The following GGNBP2 variants were observed in gnomAD, a reference collection of about 807,000 sequenced individuals.
The protein encoded by GGNBP2 is gametogenetin binding protein 2, also known as gametogenetin-binding protein 2.
GGNBP2 carries 10 observed loss-of-function variants against 85.9 expected under a neutral mutation model. The observed-to-expected ratio is 0.12, with a 90% confidence interval of 0.07 to 0.20. The LOEUF (loss-of-function observed/expected upper bound fraction) is 0.20. Ranked by LOEUF, GGNBP2 falls within the 10% of genes least tolerant of loss-of-function variation. The pLI is 1.00. For synonymous variants in GGNBP2, 287 were observed against 285.7 expected (o/e 1.00, Z -0.05); for missense variants, 595 against 857.8 (o/e 0.69, Z 3.83).
intron 6 of GGNBP2, among the ~76,000 whole-genome samples, chr17:36,571,265 A>G (rs2074521494): frequency 6.6e-6 from 1 of 152,072 alleles, no homozygotes; most frequent in Non-Finnish European, 1.5e-5. Context: ...AGGCCCATTT[A>G]TAAAGGCTGA....
intron 4 of GGNBP2, among the ~76,000 whole-genome samples, chr17:36,557,747 T>C (rs1030410548): frequency 2.0e-5 from 3 of 152,054 alleles, no homozygotes; most frequent in African/African-American, 4.8e-5. Context: ...ATTGGCATGT[T>C]TGAGGAATAG....
intron 2 of GGNBP2, 46 bp from the exon 3 acceptor site, chr17:36,554,774 C>G: frequency 2.6e-6 from 3 of 1,174,030 alleles, no homozygotes; most frequent in Non-Finnish European, 3.9e-6. Context: ...GTATCCTGTT[C>G]TCAGAGGGGT....
At chr17:36,562,129 A>G (rs17138353) in intron 5 of GGNBP2, among the ~76,000 whole-genome samples, 1,653 of 152,134 alleles carry the variant, frequency 0.011, 24 homozygotes, top group African/African-American at 0.038. Context: ...TTTTGGAGAG[A>G]ATGGGATATT....
chr17:36,559,728 A>G (rs905520359), intron 4 of GGNBP2, among the ~76,000 whole-genome samples: 1 of 152,222 alleles, frequency 6.6e-6, no homozygotes, highest in African/African-American at 2.4e-5. Flanking sequence ...CAGCTATTGC[A>G]GTTGACTAAG....
In GGNBP2 at chr17:36,571,911, C is replaced by T. The variant is rs143699550; in HGVS notation, c.641+4135C>T. Among the ~76,000 whole-genome samples the T allele has an allele frequency of 5.2e-3, 785 of 151,670 alleles. 13 individuals are homozygous for T. Among genetic ancestry groups the T allele is most frequent in the East Asian group, 0.026 (133 of 5,156 alleles). The stretch of plus-strand genomic sequence containing the variant: ...AAACAAAATAAAAAAATTAGCTGGG[C>T]GTAGTGACACACCTGCAGTTTCATC... On this transcript the variant is annotated intron_variant, in intron 6 of 13. Coordinates refer to ENST00000613102, the MANE Select transcript of GGNBP2 (RefSeq NM_024835.5).
chr17:36,553,947 A>G (rs929079009), intron 2 of GGNBP2, among the ~76,000 whole-genome samples: 5 of 152,152 alleles, frequency 3.3e-5, no homozygotes, highest in Admixed American at 6.5e-5. Flanking sequence ...ATGCCTTCCT[A>G]TGGTAGTGAA....
chr17:36,561,719 G>A (rs1340015803), intron 5 of GGNBP2, among the ~76,000 whole-genome samples: 2 of 151,944 alleles, frequency 1.3e-5, no homozygotes, highest in African/African-American at 4.8e-5. Context: ...TGCCTCCTGG[G>A]TTCAAGCTGT....
At chr17:36,581,280 G>T (rs112887676) in intron 8 of GGNBP2, 64 bp from the exon 9 acceptor site, 2 of 1,131,580 alleles carry the variant, frequency 1.8e-6, no homozygotes, top group African/African-American at 1.6e-5. Context: ...GCAAGATTCC[G>T]TCTCAAAAAA....
At chr17:36,551,732 C>T (rs550674599) in intron 2 of GGNBP2, among the ~76,000 whole-genome samples, 1 of 151,834 alleles carries the variant, frequency 6.6e-6, no homozygotes, top group South Asian at 2.1e-4. Context: ...ATCCCAGCTA[C>T]TTGGGAGAAT....
Position 36,545,776 on chromosome 17 carries a change from G to A in GGNBP2, c.52G>A (p.Glu18Lys). ...GGACGGGGAGGAGGAGTTCCCCTTC[G>A]AGAGGAGGCAGATTCCCCTCTACAT... is the stretch of plus-strand genomic sequence containing the variant. ...CRDGEEEFPF[E>K]RRQIPLYIDD... The change falls in exon 2 of 14, where the codon GAG (glutamate) becomes AAG (lysine). Residue 18 changes from glutamate (E) to lysine (K), a missense_variant. Transcript: ENST00000613102. The A allele has an allele frequency of 6.3e-7, 1 of 1,582,350 alleles. No homozygotes were observed. The highest frequency in any genetic ancestry group is 8.6e-7 in the Non-Finnish European group (1 of 1,164,774).
At chr17:36,561,122 C>CT (rs904528664) in intron 5 of GGNBP2, among the ~76,000 whole-genome samples, 70 of 146,554 alleles carry the variant, frequency 4.8e-4, no homozygotes, top group East Asian at 4.6e-3. Context: ...AGGTTGAAGT[C>CT]TTTTTTTTTT....
At chr17:36,564,078 TTTTA>T (rs1420768680) in intron 5 of GGNBP2, among the ~76,000 whole-genome samples, 1 of 152,194 alleles carries the variant, frequency 6.6e-6, no homozygotes, top group African/African-American at 2.4e-5. Flanking sequence ...ATTTTTTATT[TTTTA>T]TTTTTTCATC....
At chr17:36,563,589 G>GTT (rs199777252) in intron 5 of GGNBP2, among the ~76,000 whole-genome samples, 9,799 of 129,562 alleles carry the variant, frequency 0.076, 591 homozygotes, top group African/African-American at 0.17. Flanking sequence ...CCTGTTTCTG[G>GTT]TTTTTTTTTT....
chr17:36,571,026 A>G (rs1555606701), intron 6 of GGNBP2, among the ~76,000 whole-genome samples: 1 of 152,196 alleles, frequency 6.6e-6, no homozygotes. Context: ...TCTCAAAAGA[A>G]AAGTATTACG....
intron 3 of GGNBP2, 85 bp downstream of exon 3, chr17:36,554,985 A>G: frequency 1.3e-6 from 1 of 788,088 alleles, no homozygotes; most frequent in East Asian, 2.5e-5. Flanking sequence ...AATTTTATAT[A>G]GGATTCTCTA....
intron 6 of GGNBP2, among the ~76,000 whole-genome samples, chr17:36,575,837 G>A (rs2074575883): frequency 6.7e-6 from 1 of 149,608 alleles, no homozygotes; most frequent in Non-Finnish European, 1.5e-5. Context: ...AGTAGAGACG[G>A]GGTTTCACCA....
At chr17:36,577,259 A>G (rs534460420) in intron 6 of GGNBP2, 1 of 152,164 alleles carries the variant, frequency 6.6e-6, no homozygotes, top group Non-Finnish European at 1.5e-5. Context: ...TTGGTTTCTA[A>G]AAGAAATTTT....
At chr17:36,579,149 A>G in intron 7 of GGNBP2, 96 bp from the exon 8 acceptor site, 1 of 963,284 alleles carries the variant, frequency 1.0e-6, no homozygotes, top group Non-Finnish European at 1.6e-6. Context: ...GTTACTAGGT[A>G]AGCACATTGT....
At chr17:36,567,567 AG>A (rs1555606017) in intron 5 of GGNBP2, 95 bp from the exon 6 acceptor site, 2 of 666,146 alleles carry the variant, frequency 3.0e-6, no homozygotes, top group East Asian at 5.4e-5. Flanking sequence ...GGGAACAGCC[AG>A]GTAAAAACAA....
Sources: gnomAD v4.1 joint callset for allele counts (sites outside exome capture counted in the v4.1 genomes callset) on GRCh38, gnomAD v4.1.1 for gene constraint, MANE v1.5 for transcripts, NCBI Gene and HGNC (gene_info 2026-07-23, HGNC 2026-07-21) for gene names.